The following DLG2 variants were observed in gnomAD, a reference collection of about 807,000 sequenced individuals.
DLG2 encodes the protein disks large homolog 2.
In DLG2, 45 loss-of-function variants were observed where a neutral mutation model predicts 132.5. The ratio of observed to expected loss-of-function variants is 0.34; its 90% CI spans 0.27 to 0.44. The LOEUF is 0.44. Among genes scored for constraint, DLG2 ranks in the 20% least tolerant of loss-of-function variants. The pLI is 1.00. For missense variants in DLG2, 1,045 were observed against 1,196.9 expected (o/e 0.87, Z 1.87); for synonymous variants, 424 against 419.6 (o/e 1.01, Z -0.13).
At chr11:85,152,408 T>C (rs930634988) in intron 5 of DLG2, among the ~76,000 whole-genome samples, 1 of 152,056 alleles carries the variant, frequency 6.6e-6, no homozygotes, top group Non-Finnish European at 1.5e-5. Context: ...ACTTGGCTAA[T>C]TTTTGTATTT....
intron 7 of DLG2, among the ~76,000 whole-genome samples, chr11:84,488,565 G>A (rs549671885): frequency 6.6e-6 from 1 of 152,182 alleles, no homozygotes; most frequent in East Asian, 1.9e-4. Context: ...GCTCTCTTAT[G>A]TGTGACCAGC....
At chr11:85,210,175 TG>T (rs1037451677) in intron 4 of DLG2, among the ~76,000 whole-genome samples, 48 of 152,296 alleles carry the variant, frequency 3.2e-4, no homozygotes, top group Non-Finnish European at 3.5e-4. Flanking sequence ...CATATTTTTT[TG>T]GGTCAGTTTA....
chr11:85,556,431 C>G, intron 3 of DLG2, among the ~76,000 whole-genome samples: 1 of 151,814 alleles, frequency 6.6e-6, no homozygotes, highest in Non-Finnish European at 1.5e-5. Context: ...CTTGGACATA[C>G]CCAAGCCTAT....
intron 6 of DLG2, among the ~76,000 whole-genome samples, chr11:84,957,949 G>T (rs1468753471): frequency 6.6e-6 from 1 of 152,146 alleles, no homozygotes; most frequent in Non-Finnish European, 1.5e-5. Context: ...TAAGGAGACT[G>T]AGGGTATTAA....
chr11:84,567,478 G>A lies in DLG2; in HGVS notation c.358-32747C>T, dbSNP rs769502215. 1.8e-4 allele frequency among the ~76,000 whole-genome samples: 27 copies of A among 152,244 alleles called. No homozygotes were observed. The East Asian group carries it at 2.3e-3, about 13-fold the overall frequency. On this transcript the variant is annotated intron_variant, in intron 6 of 27. Transcript: ENST00000376104. ...ATCCCTTGATGGATCCTCAATCATC[G>A]TTTCAGGCTGAGTTCAAGTATAACA...
At chr11:85,557,507 A>C (rs1370331168) in intron 3 of DLG2, among the ~76,000 whole-genome samples, 1 of 151,878 alleles carries the variant, frequency 6.6e-6, no homozygotes, top group Non-Finnish European at 1.5e-5. Context: ...ATGGAATCCT[A>C]AACAAAAAGA....
intron 17 of DLG2, among the ~76,000 whole-genome samples, chr11:83,825,711 C>G (rs1314308864): frequency 6.6e-6 from 1 of 152,118 alleles, no homozygotes; most frequent in East Asian, 1.9e-4. Flanking sequence ...CGTCCCCACT[C>G]AGTGATATGG....
rs2097823124 is a variant in DLG2 at position 84,279,143 on chromosome 11, A to T, written c.520-27852T>A. 2.6e-5 allele frequency among the ~76,000 whole-genome samples: 4 copies of T among 152,222 alleles called. No homozygotes were observed. The South Asian group carries it at 8.3e-4, about 32-fold the overall frequency. ...AAGAAAAAAACAAACAACCCCATCAAAAAGTGGGTGAAGGGTATGAACATA... is the reference window on the plus strand; with the variant it reads ...AAGAAAAAAACAAACAACCCCATCATAAAGTGGGTGAAGGGTATGAACATA... On this transcript the variant is annotated intron_variant, in intron 7 of 27. Transcript: ENST00000376104.
At chr11:84,973,087 A>T (rs546191705) in intron 6 of DLG2, among the ~76,000 whole-genome samples, 2 of 151,604 alleles carry the variant, frequency 1.3e-5, no homozygotes, top group East Asian at 3.9e-4. Context: ...CTTCCCTGGT[A>T]GCTGGGATTA....
intron 7 of DLG2, among the ~76,000 whole-genome samples, chr11:84,391,684 T>C (rs180869223): frequency 2.6e-5 from 4 of 152,272 alleles, no homozygotes; most frequent in African/African-American, 9.6e-5. Context: ...CTGATTGTAT[T>C]CCGAGACTTC....
chr11:85,443,915 G>A (rs1474203614), intron 3 of DLG2, among the ~76,000 whole-genome samples: 2 of 152,164 alleles, frequency 1.3e-5, no homozygotes, highest in African/African-American at 4.8e-5. Flanking sequence ...GAGTATGTTT[G>A]TGAAATACAA....
chr11:84,973,643 C>A (rs979002040), intron 6 of DLG2, among the ~76,000 whole-genome samples: 1 of 152,076 alleles, frequency 6.6e-6, no homozygotes, highest in Non-Finnish European at 1.5e-5. Flanking sequence ...GCATTTCTAG[C>A]TTAGATTATG....
chr11:85,070,242 T>C (rs897678403), intron 6 of DLG2, among the ~76,000 whole-genome samples: 2 of 151,826 alleles, frequency 1.3e-5, no homozygotes, highest in Admixed American at 1.3e-4. Context: ...ACATGGCACA[T>C]GTATACATAT....
At position 83,468,993 on chromosome 11, in the gene DLG2, T is replaced by G. The variant is rs1055651298; in HGVS notation, c.2619+208A>C. On this transcript the variant is annotated intron_variant, in intron 25 of 27. Coordinates refer to ENST00000376104, the MANE Select transcript of DLG2 (RefSeq NM_001142699.3). Reference sequence around the variant, plus strand: ...CAAAGACAAAGCCCTCTTCCTACTTTTTCCAAGTCAGTGAGAATACTTTAT... The same window carrying G: ...CAAAGACAAAGCCCTCTTCCTACTTGTTCCAAGTCAGTGAGAATACTTTAT... Among the ~76,000 whole-genome samples the G allele has an allele frequency of 4.6e-5, 7 of 152,306 alleles. No individual in the cohort carries two copies. The East Asian group carries it at 5.8e-4, about 13-fold the overall frequency.
intron 3 of DLG2, among the ~76,000 whole-genome samples, chr11:85,386,769 T>C (rs2086364510): frequency 7.7e-6 from 1 of 129,746 alleles, no homozygotes; most frequent in South Asian, 2.4e-4. Context: ...GTTTAATAAA[T>C]GATAGTGAAA....
intron 6 of DLG2, among the ~76,000 whole-genome samples, chr11:85,097,310 G>T (rs1032165938): frequency 4.6e-5 from 7 of 152,132 alleles, no homozygotes; most frequent in Non-Finnish European, 1.0e-4. Flanking sequence ...GCCCCGTCAG[G>T]CAGGGGACTA....
At chr11:84,104,019 T>C (rs182495913) in intron 9 of DLG2, among the ~76,000 whole-genome samples, 127 of 152,266 alleles carry the variant, frequency 8.3e-4, no homozygotes, top group African/African-American at 2.9e-3. Flanking sequence ...CAAGGTTTGT[T>C]GCATTATTTT....
chr11:84,788,807 T>C (rs372603102), intron 6 of DLG2, among the ~76,000 whole-genome samples: 1 of 152,160 alleles, frequency 6.6e-6, no homozygotes, highest in Non-Finnish European at 1.5e-5. Context: ...ATAATGTATG[T>C]TGACTCAATA....
chr11:85,401,308 T>C (rs1487239290), intron 3 of DLG2, among the ~76,000 whole-genome samples: 1 of 152,040 alleles, frequency 6.6e-6, no homozygotes, highest in Non-Finnish European at 1.5e-5. Flanking sequence ...CAAAAAACTC[T>C]CAATAAACTA....
Sources: gnomAD v4.1 joint callset for allele counts (sites outside exome capture counted in the v4.1 genomes callset) on GRCh38, gnomAD v4.1.1 for gene constraint, MANE v1.5 for transcripts, NCBI Gene and HGNC (gene_info 2026-07-23, HGNC 2026-07-21) for gene names.